Variants in ITGA9 observed in about 807,000 individuals in gnomAD.
ITGA9 encodes the protein integrin alpha-9.
A neutral mutation model predicts 127.8 loss-of-function variants in ITGA9; 56 were observed. That is an observed-to-expected ratio of 0.44 (90% CI 0.35 to 0.55). The LOEUF (loss-of-function observed/expected upper bound fraction) is 0.55, where lower values mean the gene tolerates loss of function less well. ITGA9 is among the 20% of genes least tolerant of loss of function. ITGA9 has a pLI of 0.00. For missense variants in ITGA9, 1,196 were observed against 1,347.1 expected (o/e 0.89, Z 1.76); for synonymous variants, 508 against 514.5 (o/e 0.99, Z 0.17).
chr3:37,596,857 G>A (rs901418868), intron 15 of ITGA9, among the ~76,000 whole-genome samples: 1 of 152,190 alleles, frequency 6.6e-6, no homozygotes, highest in South Asian at 2.1e-4. Context: ...AGGTCAGCGT[G>A]CAATGCCACA....
Position 37,453,120 on chromosome 3 carries a change from C to A in ITGA9, c.185+561C>A, listed in dbSNP as rs78489361. 1.1e-3 allele frequency among the ~76,000 whole-genome samples: 139 copies of A among 129,362 alleles called. 4 individuals are homozygous for A. The highest frequency in any genetic ancestry group is 2.9e-4 in the Non-Finnish European group (17 of 58,550). The allele number at this position is 129,362 out of a possible 152,430, so 84.9% of individuals were successfully genotyped here. On this transcript the variant is annotated intron_variant, in intron 1 of 27. Transcript: ENST00000264741. ...CTGGAGCCCAGAGCCCCGGCGCCCC[C>A]CCCCCCCCCCAGCTCCTACAAGACC... is the stretch of plus-strand genomic sequence containing the variant.
intron 26 of ITGA9, among the ~76,000 whole-genome samples, chr3:37,785,934 G>T (rs1697035572): frequency 6.6e-6 from 1 of 152,166 alleles, no homozygotes; most frequent in Admixed American, 6.5e-5. Context: ...GAGGCTGAGA[G>T]TGGAGGTGTG....
At chr3:37,719,772 C>T (rs1319857837) in intron 18 of ITGA9, among the ~76,000 whole-genome samples, 2 of 152,278 alleles carry the variant, frequency 1.3e-5, no homozygotes, top group South Asian at 2.1e-4. Flanking sequence ...ACTTCACTAC[C>T]CTCTCCTGGA....
At chr3:37,476,916 G>A (rs1189111146) in intron 3 of ITGA9, among the ~76,000 whole-genome samples, 1 of 151,930 alleles carries the variant, frequency 6.6e-6, no homozygotes, top group African/African-American at 2.4e-5. Context: ...AATAATACAG[G>A]GACTGAGGGT....
intron 17 of ITGA9, among the ~76,000 whole-genome samples, chr3:37,673,441 G>A (rs1700655754): frequency 6.6e-6 from 1 of 152,170 alleles, no homozygotes; most frequent in South Asian, 2.1e-4. Flanking sequence ...AAGGGAGGAG[G>A]AGAAAAGTCA....
At chr3:37,630,387 G>A (rs896814321) in intron 16 of ITGA9, among the ~76,000 whole-genome samples, 1 of 152,186 alleles carries the variant, frequency 6.6e-6, no homozygotes, top group Non-Finnish European at 1.5e-5. Flanking sequence ...GTGCTCTTAG[G>A]GAAAACCTGT....
At chr3:37,766,828 A>G (rs928121610) in intron 23 of ITGA9, among the ~76,000 whole-genome samples, 16 of 152,118 alleles carry the variant, frequency 1.1e-4, no homozygotes, top group African/African-American at 3.6e-4. Flanking sequence ...CAGATAACAT[A>G]TTTATGTATC....
chr3:37,813,339 T>C (rs1275775154), intron 27 of ITGA9, among the ~76,000 whole-genome samples: 1 of 152,244 alleles, frequency 6.6e-6, no homozygotes, highest in Admixed American at 6.5e-5. Flanking sequence ...ACTTGTTAGA[T>C]CATCAAATTC....
At chr3:37,729,005 C>T (rs980639295) in intron 18 of ITGA9, among the ~76,000 whole-genome samples, 1 of 151,738 alleles carries the variant, frequency 6.6e-6, no homozygotes, top group Non-Finnish European at 1.5e-5. Context: ...TCCTTGGGTA[C>T]CCACATCAAT....
At chr3:37,607,705 T>C (rs1699980813) in intron 15 of ITGA9, among the ~76,000 whole-genome samples, 1 of 152,098 alleles carries the variant, frequency 6.6e-6, no homozygotes, top group South Asian at 2.1e-4. Flanking sequence ...AATATAACTT[T>C]TACAGGGAAG....
chr3:37,530,901 G>C (rs548539754), intron 13 of ITGA9, among the ~76,000 whole-genome samples: 1 of 151,614 alleles, frequency 6.6e-6, no homozygotes, highest in Non-Finnish European at 1.5e-5. Context: ...ACAGGTGCCC[G>C]CCACCACACC....
At chr3:37,596,411 C>A (rs761591260) in intron 15 of ITGA9, among the ~76,000 whole-genome samples, 1 of 152,046 alleles carries the variant, frequency 6.6e-6, no homozygotes, top group Non-Finnish European at 1.5e-5. Flanking sequence ...GGGTGTTTTC[C>A]GACCTGAGCC....
intron 15 of ITGA9, among the ~76,000 whole-genome samples, chr3:37,627,643 A>C (rs1341789096): frequency 6.6e-6 from 1 of 152,200 alleles, no homozygotes; most frequent in Non-Finnish European, 1.5e-5. Context: ...TATTTACCCC[A>C]GTCCTAGGGA....
intron 16 of ITGA9, among the ~76,000 whole-genome samples, chr3:37,642,571 C>T (rs2125642176): frequency 6.6e-6 from 1 of 152,340 alleles, no homozygotes; most frequent in Non-Finnish European, 1.5e-5. Flanking sequence ...TCTGGGAATT[C>T]CCCACGGGCA....
intron 18 of ITGA9, among the ~76,000 whole-genome samples, chr3:37,718,472 G>A (rs967015186): frequency 1.3e-5 from 2 of 152,120 alleles, no homozygotes; most frequent in Non-Finnish European, 2.9e-5. Context: ...CCCAGAGAAG[G>A]CATTTTTTTT....
At chr3:37,641,428 T>G (rs1559556159) in intron 16 of ITGA9, among the ~76,000 whole-genome samples, 1 of 152,172 alleles carries the variant, frequency 6.6e-6, no homozygotes, top group East Asian at 1.9e-4. Flanking sequence ...TTAGGGTGTC[T>G]GGCCCTCACG....
At chr3:37,523,453 G>A (rs1350125324) in intron 11 of ITGA9, 68 bp from the exon 12 acceptor site, 3 of 1,168,250 alleles carry the variant, frequency 2.6e-6, no homozygotes, top group African/African-American at 1.5e-5. Flanking sequence ...CTGGAATAAA[G>A]CAGTCACAGT....
At position 37,458,833 on chromosome 3, in the gene ITGA9, G is replaced by A. The variant is rs191920466; in HGVS notation, c.185+6274G>A. On this transcript the variant is annotated intron_variant, in intron 1 of 27. Transcript: ENST00000264741. The stretch of plus-strand genomic sequence containing the variant: ...ATCTTGCCACCAGCTGACTCACAAG[G>A]TGCCTCTTTCTGATGTCAGAGAAGT... Among the ~76,000 whole-genome samples the A allele has an allele frequency of 1.4e-3, 212 of 152,332 alleles. 1 individual carries two copies. Among genetic ancestry groups the A allele is most frequent in the African/African-American group, 4.9e-3 (202 of 41,572 alleles).
chr3:37,514,867 A>G (rs986179117), intron 9 of ITGA9, among the ~76,000 whole-genome samples: 5 of 152,004 alleles, frequency 3.3e-5, no homozygotes, highest in African/African-American at 9.7e-5. Context: ...CGCCTGGCCA[A>G]TAATCTTGGT....
Sources: allele counts gnomAD v4.1 joint callset (sites outside exome capture counted in the v4.1 genomes callset), GRCh38; gene constraint gnomAD v4.1.1; transcripts MANE v1.5; gene names NCBI Gene and HGNC (gene_info 2026-07-23, HGNC 2026-07-21).